YTHDF2: variants seen among roughly 807,000 people sequenced by gnomAD.
The protein encoded by YTHDF2 is YTH domain-containing family protein 2.
A neutral mutation model predicts 50.4 loss-of-function variants in YTHDF2; 2 were observed. The ratio of observed to expected loss-of-function variants is 0.04; its 90% CI spans 0.02 to 0.12. The LOEUF (loss-of-function observed/expected upper bound fraction) is 0.12, where lower values mean the gene tolerates loss of function less well. Among genes scored for constraint, YTHDF2 ranks in the 10% least tolerant of loss-of-function variants. The pLI is 1.00. For synonymous variants in YTHDF2, 217 were observed against 255.6 expected (o/e 0.85, Z 1.44); for missense variants, 483 against 722.6 (o/e 0.67, Z 3.80).
rs554262135 is a variant in YTHDF2, at chr1:28,743,165, C to A, written c.895C>A (p.Pro299Thr). The A allele has an allele frequency of 1.9e-6, 3 of 1,614,156 alleles. No individual in the cohort carries two copies. Among genetic ancestry groups the A allele is most frequent in the East Asian group, 4.5e-5 (2 of 44,882 alleles). Residue 299 changes from proline to threonine, a missense_variant, in exon 4 of 5, where the codon CCA becomes ACA. Pro to Thr is a conservative substitution (Grantham distance 38). This residue lies in a region of YTHDF2 where 385 missense variants were observed against 475.8 expected (regional missense o/e 0.81). Coordinates refer to ENST00000373812, the MANE Select transcript of YTHDF2 (RefSeq NM_016258.3). This position sits in a 1 kb window ranked among gnomAD's most constrained non-coding sequence, Gnocchi z 6.9. ...GGCTTTGGTTCAGAATATAGGTCAGCCAACCCAGGGGTCTCCTCAGCCTGT... is the reference window on the plus strand; with the variant it reads ...GGCTTTGGTTCAGAATATAGGTCAGACAACCCAGGGGTCTCCTCAGCCTGT... ...SQALVQNIGQ[P>T]TQGSPQPVGQ...
At chr1:28,766,261 TTG>T (rs1305982254) in intron 4 of YTHDF2, among the ~76,000 whole-genome samples, 1 of 95,992 alleles carries the variant, frequency 1.0e-5, no homozygotes, top group Admixed American at 9.0e-5. Flanking sequence ...CCAGATAATT[TTG>T]TGTGTGTGTA....
chr1:28,755,107 C>T (rs2088017575), intron 4 of YTHDF2, among the ~76,000 whole-genome samples: 1 of 152,006 alleles, frequency 6.6e-6, no homozygotes, highest in Non-Finnish European at 1.5e-5. Context: ...ATGTGGTAGA[C>T]ATATTTGTTG....
intron 4 of YTHDF2, among the ~76,000 whole-genome samples, chr1:28,758,235 G>A (rs774745050): frequency 6.6e-6 from 1 of 152,050 alleles, no homozygotes; most frequent in Non-Finnish European, 1.5e-5. Flanking sequence ...GTGTGGTGGC[G>A]TGCACCTGTG....
chr1:28,760,920 G>A (rs1041515873), intron 4 of YTHDF2, among the ~76,000 whole-genome samples: 4 of 152,136 alleles, frequency 2.6e-5, no homozygotes, highest in Admixed American at 6.6e-5. Context: ...ATAATTTTAC[G>A]TGCTATAGTT....
chr1:28,737,729 G>C (rs761904444), intron 2 of YTHDF2, 47 bp downstream of exon 2: 2 of 1,605,090 alleles, frequency 1.2e-6, no homozygotes, highest in South Asian at 2.2e-5. Context: ...GGGGACGCGG[G>C]GCGGTGGGGG....
chr1:28,764,755 C>T (rs1468815139), intron 4 of YTHDF2, among the ~76,000 whole-genome samples: 1 of 152,110 alleles, frequency 6.6e-6, no homozygotes, highest in Non-Finnish European at 1.5e-5. Flanking sequence ...GTTGGCCATG[C>T]TGGTCTCGAA....
chr1:28,760,758 A>G (rs907568510), intron 4 of YTHDF2, among the ~76,000 whole-genome samples: 1 of 151,614 alleles, frequency 6.6e-6, no homozygotes, highest in African/African-American at 2.4e-5. Context: ...TTTTGTATTT[A>G]TGGTAGAGAC....
At chr1:28,751,090 CAAAAAA>C (rs56916547) in intron 4 of YTHDF2, among the ~76,000 whole-genome samples, 1 of 33,766 alleles carries the variant, frequency 3.0e-5, no homozygotes, top group African/African-American at 1.6e-4. Context: ...GAGACTGTCT[CAAAAAA>C]AAAAAAAAAA....
intron 2 of YTHDF2, among the ~76,000 whole-genome samples, chr1:28,737,982 A>C (rs762923103): frequency 6.6e-6 from 1 of 151,860 alleles, no homozygotes. Context: ...CACTCTCTGG[A>C]AGTACTCTCA....
rs200383069 is a variant in YTHDF2 at position 28,768,980 on chromosome 1, C to T, written c.*28C>T. ...GGCAGTTCTACACAGACTGCAGCAACGGTTGCATCTGCATATCCTAAGAGG... is the reference window on the plus strand; with the variant it reads ...GGCAGTTCTACACAGACTGCAGCAATGGTTGCATCTGCATATCCTAAGAGG... On this transcript the variant is annotated 3_prime_UTR_variant, in exon 5 of 5. Transcript: ENST00000373812. 1.1e-4 allele frequency: 179 copies of T among 1,562,746 alleles called. No homozygotes were observed. The African/African-American group carries it at 1.8e-3, about 16-fold the overall frequency.
chr1:28,741,705 A>G (rs1160448293), intron 3 of YTHDF2, among the ~76,000 whole-genome samples: 1 of 152,252 alleles, frequency 6.6e-6, no homozygotes, highest in Non-Finnish European at 1.5e-5. Flanking sequence ...GGCTAGCACT[A>G]TAAACTGGTA....
At chr1:28,751,908 A>G (rs1278460578) in intron 4 of YTHDF2, among the ~76,000 whole-genome samples, 1 of 152,256 alleles carries the variant, frequency 6.6e-6, no homozygotes, top group East Asian at 1.9e-4. Flanking sequence ...AATAAGTAAT[A>G]ATAGAATGAT....
chr1:28,744,358 T>C (rs944301674), intron 4 of YTHDF2, among the ~76,000 whole-genome samples: 8 of 152,090 alleles, frequency 5.3e-5, no homozygotes, highest in African/African-American at 1.9e-4. Flanking sequence ...CAGAGAAAAA[T>C]CGAAATGTTC....
At chr1:28,750,473 C>T (rs2087934042) in intron 4 of YTHDF2, among the ~76,000 whole-genome samples, 2 of 152,092 alleles carry the variant, frequency 1.3e-5, no homozygotes, top group South Asian at 4.1e-4. Context: ...AGAGGGGGTT[C>T]ATACATAGGG....
In YTHDF2 at chr1:28,738,312, C is replaced by T. The variant is rs1245392914; in HGVS notation, c.106C>T (p.Pro36Ser). Residue 36 changes from proline (P) to serine (S), a missense_variant, in exon 3 of 5, where the codon CCT becomes TCT. This residue lies in a region of YTHDF2 where 385 missense variants were observed against 475.8 expected (regional missense o/e 0.81). Coordinates refer to ENST00000373812, the MANE Select transcript of YTHDF2 (RefSeq NM_016258.3). ...KDGLNDDDFE[P>S]YLSPQARPNN... ...TGGATTAAACGATGATGATTTTGAA[C>T]CTTACTTGAGTCCACAGGCAAGGCC... is the stretch of plus-strand genomic sequence containing the variant. The T allele has an allele frequency of 6.2e-7, 1 of 1,614,066 alleles. No homozygotes were observed. Among genetic ancestry groups the T allele is most frequent in the Admixed American group, 1.7e-5 (1 of 60,012 alleles).
At chr1:28,736,753 C>T (rs1348827011), upstream of YTHDF2, 2 of 283,756 alleles carry the variant, frequency 7.0e-6, no homozygotes, top group East Asian at 2.0e-4. Context: ...CGCCAGAGGG[C>T]GCAGCGGCCG....
intron 4 of YTHDF2, among the ~76,000 whole-genome samples, chr1:28,749,663 G>C (rs1252017428): frequency 6.6e-6 from 1 of 152,194 alleles, no homozygotes; most frequent in African/African-American, 2.4e-5. Flanking sequence ...AAGCAGTCAA[G>C]TAGAGAGGAC....
At chr1:28,757,786 C>T (rs487093) in intron 4 of YTHDF2, among the ~76,000 whole-genome samples, 92,473 of 152,038 alleles carry the variant, frequency 0.61, 29,196 homozygotes, top group African/African-American at 0.74. Flanking sequence ...CTCATCTTGG[C>T]ATTTTTTCTT....
At position 28,743,356 on chromosome 1, in the gene YTHDF2, T is replaced by G; in HGVS notation, c.1086T>G (p.Gly362=). 9 of 1,614,090 alleles carry G rather than the reference T, an allele frequency of 5.6e-6. No homozygotes were observed. Among genetic ancestry groups the G allele is most frequent in the Non-Finnish European group, 7.6e-6 (9 of 1,180,030 alleles). ...CTCGGAACCGTGGCAGTGGGTTCGG[T>G]CATAATGGGGTGGATGGTAATGGAG... ...VAPRNRGSGF[G]HNGVDGNGVG... is the part of the protein sequence containing the mutation. The change falls in exon 4 of 5, where the codon GGT becomes GGG. Residue 362 remains glycine, a synonymous_variant. Coordinates refer to ENST00000373812, the MANE Select transcript of YTHDF2 (RefSeq NM_016258.3). The surrounding 1 kb of genome is among the most constrained non-coding windows in gnomAD (Gnocchi z 6.9).
Sources: allele counts gnomAD v4.1 joint callset (sites outside exome capture counted in the v4.1 genomes callset), GRCh38; gene constraint gnomAD v4.1.1; regional missense constraint gnomAD v4.1.1; non-coding constraint Gnocchi (gnomAD v3.1); transcripts MANE v1.5; gene names NCBI Gene and HGNC (gene_info 2026-07-23, HGNC 2026-07-21).